The following HOMER1 variants were observed in gnomAD, a reference collection of about 807,000 sequenced individuals.
The protein encoded by HOMER1 is homer scaffold protein 1.
In HOMER1, 3 loss-of-function variants were observed where a neutral mutation model predicts 48.9. The observed-to-expected ratio is 0.06, with a 90% CI of 0.03 to 0.16. The LOEUF is 0.16. HOMER1 is among the 10% of genes least tolerant of loss of function. HOMER1 has a pLI of 1.00. For synonymous variants in HOMER1, 134 were observed against 146.4 expected, an observed-to-expected ratio of 0.92 and a Z score of 0.61; for missense variants, 247 against 411.4, an observed-to-expected ratio of 0.60 and a Z score of 3.46.
At chr5:79,481,172 C>G (rs1424512534) in intron 1 of HOMER1, among the ~76,000 whole-genome samples, 1 of 152,172 alleles carries the variant, frequency 6.6e-6, no homozygotes, top group African/African-American at 2.4e-5. Flanking sequence ...TAAACACTCT[C>G]ATAGCACCAG....
intron 4 of HOMER1, 68 bp from the exon 5 acceptor site, chr5:79,439,217 G>T: frequency 6.7e-7 from 1 of 1,490,498 alleles, no homozygotes; most frequent in Non-Finnish European, 9.2e-7. Flanking sequence ...ATCATCTTGA[G>T]GTTAAAACTG....
chr5:79,511,890 A>C (rs910769939), intron 1 of HOMER1, among the ~76,000 whole-genome samples: 2 of 152,228 alleles, frequency 1.3e-5, no homozygotes, highest in African/African-American at 2.4e-5. Context: ...CACACACACA[A>C]AAAGAGAAAA....
intron 8 of HOMER1, among the ~76,000 whole-genome samples, chr5:79,384,047 T>A: frequency 6.9e-6 from 1 of 144,004 alleles, no homozygotes; most frequent in Non-Finnish European, 1.5e-5. Context: ...AATGCCGACA[T>A]CAAAAAAGTA....
intron 1 of HOMER1, among the ~76,000 whole-genome samples, chr5:79,481,952 C>A (rs985663369): frequency 2.0e-5 from 3 of 152,190 alleles, no homozygotes; most frequent in Non-Finnish European, 4.4e-5. Flanking sequence ...GGCACGGTGG[C>A]TCACACCTGT....
chr5:79,439,172 T>TA, intron 4 of HOMER1, 23 bp from the exon 5 acceptor site: 1 of 1,611,784 alleles, frequency 6.2e-7, no homozygotes, highest in Non-Finnish European at 8.5e-7. Flanking sequence ...GGGTGGGGGA[T>TA]AAAAAATAGT....
At chr5:79,438,895 A>T in intron 5 of HOMER1, 115 bp downstream of exon 5, 3 of 733,194 alleles carry the variant, frequency 4.1e-6, no homozygotes, top group African/African-American at 1.8e-5. Flanking sequence ...AAAAAAAAAA[A>T]GTCAAAGTCA....
At chr5:79,433,772 A>G (rs1234408551) in intron 5 of HOMER1, among the ~76,000 whole-genome samples, 3 of 152,204 alleles carry the variant, frequency 2.0e-5, no homozygotes, top group Admixed American at 1.3e-4. Context: ...GAGTGTTTCT[A>G]AAACTTTGAT....
At chr5:79,395,693 A>G (rs1487101272) in intron 8 of HOMER1, among the ~76,000 whole-genome samples, 1 of 152,152 alleles carries the variant, frequency 6.6e-6, no homozygotes, top group African/African-American at 2.4e-5. Context: ...TTGACTACTA[A>G]AATAATGTAT....
At chr5:79,395,621 T>G (rs1331909788) in intron 8 of HOMER1, among the ~76,000 whole-genome samples, 1 of 152,182 alleles carries the variant, frequency 6.6e-6, no homozygotes, top group Non-Finnish European at 1.5e-5. Context: ...ATATTCCATT[T>G]TATATAAGGA....
At chr5:79,448,898 A>C (rs1048377341) in intron 3 of HOMER1, among the ~76,000 whole-genome samples, 3 of 152,016 alleles carry the variant, frequency 2.0e-5, no homozygotes, top group African/African-American at 7.3e-5. Context: ...CCCAATATTC[A>C]ACCTACCCTC....
At chr5:79,470,250 C>CA (rs1751580323) in intron 1 of HOMER1, among the ~76,000 whole-genome samples, 1 of 152,078 alleles carries the variant, frequency 6.6e-6, no homozygotes, top group Non-Finnish European at 1.5e-5. Context: ...ATCTACTGGT[C>CA]AACAAGGGGT....
At chr5:79,478,148 A>C (rs1355540668) in intron 1 of HOMER1, among the ~76,000 whole-genome samples, 1 of 152,206 alleles carries the variant, frequency 6.6e-6, no homozygotes, top group African/African-American at 2.4e-5. Flanking sequence ...TTCCAAAATC[A>C]GAGTTCTTTC....
chr5:79,494,426 T>G (rs1752368212), intron 1 of HOMER1, among the ~76,000 whole-genome samples: 1 of 152,218 alleles, frequency 6.6e-6, no homozygotes, highest in East Asian at 1.9e-4. Context: ...AGGCAATCTC[T>G]TTTACCTCAT....
intron 1 of HOMER1, among the ~76,000 whole-genome samples, chr5:79,491,260 C>A (rs939912725): frequency 6.6e-6 from 1 of 150,486 alleles, no homozygotes. Context: ...GACAAAACCC[C>A]ATCTCTACAA....
intron 8 of HOMER1, among the ~76,000 whole-genome samples, chr5:79,383,499 C>A (rs1432055305): frequency 6.6e-6 from 1 of 151,912 alleles, no homozygotes; most frequent in Non-Finnish European, 1.5e-5. Flanking sequence ...GATTTTCCTG[C>A]CTCAGCCTCC....
chr5:79,421,760 A>G (rs1313526684), intron 5 of HOMER1, among the ~76,000 whole-genome samples: 1 of 151,830 alleles, frequency 6.6e-6, no homozygotes, highest in Non-Finnish European at 1.5e-5. Context: ...ACCCGCCACC[A>G]TGCCCAGCTA....
intron 1 of HOMER1, among the ~76,000 whole-genome samples, chr5:79,459,462 G>C (rs924312978): frequency 6.6e-6 from 1 of 152,056 alleles, no homozygotes; most frequent in Non-Finnish European, 1.5e-5. Context: ...CTTCTGAACA[G>C]CTGGTTTTTT....
intron 5 of HOMER1, among the ~76,000 whole-genome samples, chr5:79,437,458 C>T (rs1750618433): frequency 6.6e-6 from 1 of 152,076 alleles, no homozygotes; most frequent in African/African-American, 2.4e-5. Flanking sequence ...GTAATGTAAA[C>T]ATATTATTCA....
chr5:79,427,477 C>T (rs1288335356), intron 5 of HOMER1, among the ~76,000 whole-genome samples: 2 of 152,156 alleles, frequency 1.3e-5, no homozygotes, highest in African/African-American at 2.4e-5. Flanking sequence ...CAATTTTCGC[C>T]TCCCAGGTTC....
Sources: allele counts gnomAD v4.1 joint callset (sites outside exome capture counted in the v4.1 genomes callset), GRCh38; gene constraint gnomAD v4.1.1; transcripts MANE v1.5; gene names NCBI Gene and HGNC (gene_info 2026-07-23, HGNC 2026-07-21).